The following LCA5L variants were observed in gnomAD, a reference collection of about 807,000 sequenced individuals.
LCA5L encodes the protein lebercilin-like protein.
Under a neutral mutation model 45.4 loss-of-function variants are expected in LCA5L, and 35 were observed. The observed-to-expected ratio is 0.77, with a 90% confidence interval of 0.59 to 1.02. LCA5L has a LOEUF of 1.02. Ranked by LOEUF, LCA5L falls within the 50% of genes least tolerant of loss-of-function variation. The pLI, the probability that LCA5L is intolerant of heterozygous loss-of-function variation, is 0.00. For synonymous variants in LCA5L, 233 were observed against 264.7 expected, an observed-to-expected ratio of 0.88 and a Z score of 1.16; for missense variants, 668 against 761.6, an observed-to-expected ratio of 0.88 and a Z score of 1.45.
At chr21:39,414,744 G>GT (rs1296517255) in intron 7 of LCA5L, among the ~76,000 whole-genome samples, 35 of 106,742 alleles carry the variant, frequency 3.3e-4, no homozygotes, top group Non-Finnish European at 6.8e-4. Context: ...CTCTCTCTCT[G>GT]TGTGTGTGTG....
At chr21:39,424,774 A>G (rs963406704) in intron 5 of LCA5L, among the ~76,000 whole-genome samples, 2 of 152,234 alleles carry the variant, frequency 1.3e-5, no homozygotes, top group African/African-American at 4.8e-5. Flanking sequence ...GCTGGGCACC[A>G]AATGAAGTAA....
intron 7 of LCA5L, among the ~76,000 whole-genome samples, chr21:39,417,808 C>T (rs2041510137): frequency 1.3e-5 from 2 of 152,114 alleles, no homozygotes; most frequent in South Asian, 2.1e-4. Flanking sequence ...CTCTGTCGCC[C>T]AGGCTGGAGT....
At chr21:39,444,230 C>A in intron 1 of LCA5L, 29 bp from the exon 2 acceptor site, 1 of 152,210 alleles carries the variant, frequency 6.6e-6, no homozygotes, top group Non-Finnish European at 1.5e-5. Context: ...AGAGCTTAAA[C>A]TCCTACATGA....
intron 8 of LCA5L, chr21:39,410,852 C>A: frequency 2.1e-6 from 1 of 471,114 alleles, no homozygotes; most frequent in Non-Finnish European, 4.4e-6. Flanking sequence ...AGATTATAAG[C>A]CAGAAGCAAA....
Position 39,420,808 on chromosome 21 carries a change from G to C in LCA5L, c.873C>G (p.Ala291=), listed in dbSNP as rs1388037673. The change falls in exon 7 of 11, where the codon GCC becomes GCG. Residue 291 remains alanine, a synonymous_variant. Transcript: ENST00000288350. ...LEKQLRLNCR[A]FSRQLAIETR... is the part of the protein sequence containing the mutation. The stretch of plus-strand genomic sequence containing the variant: ...TCTCAATAGCCAGCTGCCGGCTAAA[G>C]GCTCTGCAGTTCAACCTCAGTTGTT... The C allele has an allele frequency of 6.2e-7, 1 of 1,612,986 alleles. No homozygotes were observed. The highest frequency in any genetic ancestry group is 1.1e-5 in the South Asian group (1 of 91,026).
intron 2 of LCA5L, among the ~76,000 whole-genome samples, chr21:39,441,591 T>C (rs991602612): frequency 6.6e-6 from 1 of 152,226 alleles, no homozygotes; most frequent in African/African-American, 2.4e-5. Flanking sequence ...TATGTAGGTT[T>C]TGGTAATTTA....
At position 39,423,470 on chromosome 21, in the gene LCA5L, C is replaced by A; in HGVS notation, c.343G>T (p.Glu115Ter). 1.3e-6 allele frequency: 2 copies of A among 1,564,764 alleles called. No individual in the cohort carries two copies. Among genetic ancestry groups the A allele is most frequent in the Non-Finnish European group, 1.7e-6 (2 of 1,163,178 alleles). ...GATGCATTCCAGGTGTGCTTTTTTT[C>A]AACTGATATTTCCTTCTGGCCTGTG... ...QSKGQKEISV[E>*]KKHTWNASLF... The change falls in exon 6 of 11, where the codon GAA becomes TAA. Residue 115 changes from glutamate (E) to a stop codon, truncating the protein, a stop_gained. Transcript: ENST00000288350. LOFTEE classifies it high-confidence loss of function.
chr21:39,441,061 C>T (rs1483871955), intron 2 of LCA5L, among the ~76,000 whole-genome samples: 1 of 152,012 alleles, frequency 6.6e-6, no homozygotes, highest in African/African-American at 2.4e-5. Flanking sequence ...ATTGGCCTGG[C>T]GTGGTGGCTC....
chr21:39,420,906 T>C, intron 6 of LCA5L, 63 bp from the exon 7 acceptor site: 1 of 1,273,924 alleles, frequency 7.8e-7, no homozygotes, highest in South Asian at 1.3e-5. Flanking sequence ...ACTTCAATTA[T>C]CATGGAACTA....
Position 39,414,585 on chromosome 21 carries a change from C to T in LCA5L, c.976-2783G>A, listed in dbSNP as rs1187427708. Among the ~76,000 whole-genome samples the T allele has an allele frequency of 3.3e-5, 5 of 152,116 alleles. No homozygotes were observed. The South Asian group carries it at 8.3e-4, about 25-fold the overall frequency. ...TCTTCAACAACCTCGTGACTCGCTACCAAAAGGTGGAGTTCACTGCTTGAA... is the reference window on the plus strand; with the variant it reads ...TCTTCAACAACCTCGTGACTCGCTATCAAAAGGTGGAGTTCACTGCTTGAA... On this transcript the variant is annotated intron_variant, in intron 7 of 10. Coordinates refer to ENST00000288350, the MANE Select transcript of LCA5L (RefSeq NM_152505.4).
chr21:39,428,104 C>G, intron 5 of LCA5L, 68 bp downstream of exon 5: 1 of 861,106 alleles, frequency 1.2e-6, no homozygotes, highest in Non-Finnish European at 1.9e-6. Flanking sequence ...CCACTTCAAA[C>G]ACTAGTGCAG....
chr21:39,415,815 A>G (rs1245527495), intron 7 of LCA5L, among the ~76,000 whole-genome samples: 1 of 152,096 alleles, frequency 6.6e-6, no homozygotes, highest in Non-Finnish European at 1.5e-5. Flanking sequence ...GGTATCTGTA[A>G]TGCAGTTTCC....
At chr21:39,419,101 C>G (rs1378440522) in intron 7 of LCA5L, among the ~76,000 whole-genome samples, 1 of 152,142 alleles carries the variant, frequency 6.6e-6, no homozygotes. Flanking sequence ...ATGATACCAA[C>G]ATAATTCATC....
intron 2 of LCA5L, among the ~76,000 whole-genome samples, chr21:39,437,775 C>T (rs528424820): frequency 2.6e-5 from 4 of 152,188 alleles, no homozygotes; most frequent in Admixed American, 6.5e-5. Context: ...CAAAATAAAA[C>T]GACTTAGAAA....
chr21:39,426,521 T>C (rs1040362555), intron 5 of LCA5L, among the ~76,000 whole-genome samples: 2 of 152,184 alleles, frequency 1.3e-5, no homozygotes, highest in African/African-American at 4.8e-5. Flanking sequence ...GGTGAGTGCA[T>C]ATATGGTATT....
intron 9 of LCA5L, 27 bp from the exon 10 acceptor site, chr21:39,410,123 A>G (rs771254633): frequency 2.0e-6 from 3 of 1,479,926 alleles, no homozygotes; most frequent in African/African-American, 1.4e-5. Flanking sequence ...CAGCAAAAAC[A>G]CATTTTGGGG....
intron 1 of LCA5L, chr21:39,444,614 A>G (rs1043228236): frequency 5.3e-5 from 8 of 152,178 alleles, no homozygotes; most frequent in African/African-American, 1.9e-4. Context: ...AGGGAAACCA[A>G]TTAGGAAGCA....
chr21:39,423,012 G>GA lies in LCA5L; in HGVS notation c.800dup (p.Thr268HisfsTer8), dbSNP rs1222760644. On this transcript the variant is annotated frameshift_variant, in exon 6 of 11. Coordinates refer to ENST00000288350, the MANE Select transcript of LCA5L (RefSeq NM_152505.4). LOFTEE classifies it high-confidence loss of function. ...TGTCATTTGCGTCCATTTTTGTTGT[G>GA]ATAATAGATAATTTATGAGTGAGTT... 1 of 1,613,894 alleles carries GA rather than the reference G, an allele frequency of 6.2e-7. No homozygotes were observed. Among genetic ancestry groups the GA allele is most frequent in the African/African-American group, 1.3e-5 (1 of 75,028 alleles).
At chr21:39,421,986 G>A (rs932824104) in intron 6 of LCA5L, 8 of 152,060 alleles carry the variant, frequency 5.3e-5, no homozygotes, top group Non-Finnish European at 7.4e-5. Context: ...ACAGACATAC[G>A]CTAAGATGAA....
Sources: gnomAD v4.1 joint callset for allele counts (sites outside exome capture counted in the v4.1 genomes callset) on GRCh38, gnomAD v4.1.1 for gene constraint, MANE v1.5 for transcripts, NCBI Gene and HGNC (gene_info 2026-07-23, HGNC 2026-07-21) for gene names.